The following TRIM24 variants were observed in gnomAD, a reference collection of about 807,000 sequenced individuals.
TRIM24 encodes tripartite motif containing 24, also known as transcription intermediary factor 1-alpha.
TRIM24 carries 29 observed loss-of-function variants against 123.9 expected under a neutral mutation model. That is an observed-to-expected ratio of 0.23 (90% CI 0.17 to 0.32). The LOEUF is 0.32. Among genes scored for constraint, TRIM24 ranks in the 10% least tolerant of loss-of-function variants. TRIM24 has a pLI of 1.00. For synonymous variants in TRIM24, 456 were observed against 461.1 expected (o/e 0.99, Z 0.14); for missense variants, 932 against 1,295.3 (o/e 0.72, Z 4.31).
At chr7:138,512,066 TG>T (rs1055372701) in intron 2 of TRIM24, among the ~76,000 whole-genome samples, 1 of 152,138 alleles carries the variant, frequency 6.6e-6, no homozygotes, top group African/African-American at 2.4e-5. Context: ...AACCCAGCAG[TG>T]CAGTCATTAA....
chr7:138,482,204 T>C (rs2116479374), intron 1 of TRIM24, among the ~76,000 whole-genome samples: 1 of 152,310 alleles, frequency 6.6e-6, no homozygotes, highest in South Asian at 2.1e-4. Context: ...TGTCTTGGTC[T>C]TGGGATTACA....
chr7:138,539,521 T>A (rs1012859197), intron 7 of TRIM24, among the ~76,000 whole-genome samples: 1 of 152,072 alleles, frequency 6.6e-6, no homozygotes, highest in African/African-American at 2.4e-5. Context: ...GTGCTTTGAG[T>A]AACAAAGATA....
At position 138,468,133 on chromosome 7, in the gene TRIM24, T is replaced by C. The variant is rs116847663; in HGVS notation, c.364+7221T>C. 2.0e-3 allele frequency among the ~76,000 whole-genome samples: 299 copies of C among 152,330 alleles called. 2 individuals are homozygous for C. In the South Asian group the frequency reaches 0.02, roughly 10 times the overall value. ...TTTTTCACCATTAATATGTTAGCTG[T>C]TTTCTATAGATGCCCATTATCAAAA... is the stretch of plus-strand genomic sequence containing the variant. On this transcript the variant is annotated intron_variant, in intron 1 of 18. Transcript: ENST00000343526.
chr7:138,472,710 G>A (rs915534428), intron 1 of TRIM24, among the ~76,000 whole-genome samples: 2 of 152,158 alleles, frequency 1.3e-5, no homozygotes, highest in Non-Finnish European at 2.9e-5. Context: ...TTTTAGGGCA[G>A]TGCTACTCAA....
At chr7:138,540,091 C>T (rs1796973201) in intron 7 of TRIM24, among the ~76,000 whole-genome samples, 1 of 152,196 alleles carries the variant, frequency 6.6e-6, no homozygotes, top group South Asian at 2.1e-4. Context: ...TGAACCACTG[C>T]ACCCAGCTTA....
At chr7:138,468,180 T>G (rs1795193014) in intron 1 of TRIM24, among the ~76,000 whole-genome samples, 1 of 152,230 alleles carries the variant, frequency 6.6e-6, no homozygotes, top group Non-Finnish European at 1.5e-5. Flanking sequence ...CCTTCTATTT[T>G]TAATATGCTG....
chr7:138,582,461 G>A (rs2116695089), intron 17 of TRIM24, among the ~76,000 whole-genome samples: 1 of 150,992 alleles, frequency 6.6e-6, no homozygotes, highest in South Asian at 2.1e-4. Flanking sequence ...AGAGTGGCGT[G>A]AACCTGGGAG....
intron 1 of TRIM24, among the ~76,000 whole-genome samples, chr7:138,475,251 A>G (rs1460490157): frequency 6.6e-6 from 1 of 152,156 alleles, no homozygotes; most frequent in African/African-American, 2.4e-5. Flanking sequence ...AGTATCTAAC[A>G]AAGAGAGGAC....
At chr7:138,494,545 G>A (rs111700682) in intron 1 of TRIM24, among the ~76,000 whole-genome samples, 85 of 152,104 alleles carry the variant, frequency 5.6e-4, no homozygotes, top group Middle Eastern at 3.4e-3. Context: ...ACCAGCCTGG[G>A]CAACATAGCA....
intron 2 of TRIM24, among the ~76,000 whole-genome samples, chr7:138,506,876 A>G (rs552536976): frequency 5.3e-4 from 81 of 152,294 alleles, no homozygotes; most frequent in African/African-American, 1.9e-3. Flanking sequence ...TGAACCAGGC[A>G]GTACTTAGCA....
chr7:138,534,377 T>G (rs915043884), intron 6 of TRIM24, among the ~76,000 whole-genome samples: 28 of 152,342 alleles, frequency 1.8e-4, no homozygotes, highest in African/African-American at 6.7e-4. Context: ...CTCTACACAT[T>G]GCTTTAAATG....
In TRIM24 at chr7:138,586,045, A is replaced by T. The variant is rs1034227561; in HGVS notation, c.*1094A>T. On this transcript the variant is annotated 3_prime_UTR_variant, in exon 19 of 19. Transcript: ENST00000343526. ...ATCTATCTCATGTTTTTCTTTTGAG[A>T]GTCAGAACATCAAACTTAATCTTTG... 5 of 430,996 alleles carry T rather than the reference A, an allele frequency of 1.2e-5. No individual in the cohort carries two copies. Among genetic ancestry groups the T allele is most frequent in the African/African-American group, 1.0e-4 (5 of 48,528 alleles). 26.7% of individuals were successfully genotyped at this position (430,996 alleles called of 1,614,324 possible). A position where few individuals can be genotyped will look rare whatever the true frequency, so the allele number is the denominator to read the frequency against.
intron 1 of TRIM24, among the ~76,000 whole-genome samples, chr7:138,479,597 C>T (rs1795481431): frequency 6.6e-6 from 1 of 152,010 alleles, no homozygotes; most frequent in South Asian, 2.1e-4. Context: ...ACCGCAATCT[C>T]TGCCTCCTGG....
intron 17 of TRIM24, among the ~76,000 whole-genome samples, chr7:138,583,349 G>T (rs2116696876): frequency 6.6e-6 from 1 of 152,376 alleles, no homozygotes; most frequent in East Asian, 1.9e-4. Context: ...GCTGGGTGCA[G>T]TGGCTCACGC....
chr7:138,581,410 A>G (rs1321986689), intron 16 of TRIM24, among the ~76,000 whole-genome samples: 1 of 152,202 alleles, frequency 6.6e-6, no homozygotes, highest in African/African-American at 2.4e-5. Context: ...CTTCCTTTAT[A>G]GACTATTACT....
chr7:138,572,535 T>G (rs1000297052), intron 11 of TRIM24, among the ~76,000 whole-genome samples: 4 of 152,222 alleles, frequency 2.6e-5, no homozygotes, highest in Non-Finnish European at 4.4e-5. Context: ...TACCTGAAAT[T>G]CCTCTTAGGA....
rs1033318918 is a variant in TRIM24 at position 138,537,452 on chromosome 7, CT to C, written c.997-1199del. Among the ~76,000 whole-genome samples the C allele has an allele frequency of 7.0e-4, 86 of 122,340 alleles. 2 individuals are homozygous for C. The highest frequency in any genetic ancestry group is 1.6e-4 in the Non-Finnish European group (10 of 62,358). 80.3% of individuals were successfully genotyped at this position (122,340 alleles called of 152,430 possible). A position where few individuals can be genotyped will look rare whatever the true frequency, so the allele number is the denominator to read the frequency against. ...TATGTTGCCCAGGCTGGTTGGAGTCCTTTTTTAAAGGCAAATAAAAATAACC... is the reference window on the plus strand; with the variant it reads ...TATGTTGCCCAGGCTGGTTGGAGTCCTTTTTAAAGGCAAATAAAAATAACC... On this transcript the variant is annotated intron_variant, in intron 6 of 18. Coordinates refer to ENST00000343526, the MANE Select transcript of TRIM24 (RefSeq NM_015905.3).
chr7:138,472,122 T>C (rs566578161), intron 1 of TRIM24, among the ~76,000 whole-genome samples: 1 of 152,042 alleles, frequency 6.6e-6, no homozygotes, highest in East Asian at 1.9e-4. Flanking sequence ...AAAGACATAG[T>C]TGGAAAGTTT....
rs1402188405 is a variant in TRIM24 at position 138,573,635 on chromosome 7, C to T, written c.2007C>T (p.Gly669=). Residue 669 remains glycine, a synonymous_variant, in exon 12 of 19, where the codon GGC becomes GGT. Transcript: ENST00000343526. ...CAAATTCATCAGTGCCATCTCCAGG[C>T]CTTGCAGGTAAAGTGGGCTTCTTTT... ...QSPNSSVPSP[G]LAGPVTMTSV... 2.5e-6 allele frequency: 4 copies of T among 1,603,692 alleles called. No homozygotes were observed. In the African/African-American group the frequency reaches 5.4e-5, roughly 22 times the overall value.
Sources: allele counts gnomAD v4.1 joint callset (sites outside exome capture counted in the v4.1 genomes callset), GRCh38; gene constraint gnomAD v4.1.1; transcripts MANE v1.5; gene names NCBI Gene and HGNC (gene_info 2026-07-23, HGNC 2026-07-21).